Variants in PAK1 observed in about 807,000 individuals in gnomAD.
PAK1 encodes serine/threonine-protein kinase PAK 1.
Under a neutral mutation model 67.4 loss-of-function variants are expected in PAK1, and 29 were observed. The ratio of observed to expected loss-of-function variants is 0.43; its 90% confidence interval spans 0.32 to 0.59. The LOEUF is 0.59. Among genes scored for constraint, PAK1 ranks in the 20% least tolerant of loss-of-function variants. PAK1 has a pLI of 0.07. For synonymous variants in PAK1, 223 were observed against 237.4 expected (o/e 0.94, Z 0.56); for missense variants, 337 against 670.7 (o/e 0.50, Z 5.50).
At chr11:77,405,450 T>C (rs1390353618) in intron 1 of PAK1, among the ~76,000 whole-genome samples, 2 of 151,868 alleles carry the variant, frequency 1.3e-5, no homozygotes, top group African/African-American at 4.8e-5. Context: ...AGGTGAAAAC[T>C]AATGGTGGCT....
chr11:77,491,510 T>C, the PAK1 span, among the ~76,000 whole-genome samples: 6 of 151,856 alleles, frequency 4.0e-5, no homozygotes, highest in African/African-American at 1.4e-4. Flanking sequence ...GCCTGAGTGA[T>C]AGAGTGAGAC....
intron 8 of PAK1, among the ~76,000 whole-genome samples, chr11:77,352,942 A>AT (rs890247641): frequency 6.6e-6 from 1 of 151,980 alleles, no homozygotes; most frequent in African/African-American, 2.4e-5. Flanking sequence ...GTTAGGCAAC[A>AT]TATGACTATA....
Position 77,392,483 on chromosome 11 carries a change from G to A in PAK1, c.38C>T (p.Pro13Leu), listed in dbSNP as rs1395768376. ...NNGLDIQDKP[P>L]APPMRNTSTM... ...GCTGGTATTTCTCATCGGAGGGGCT[G>A]GGGGTTTGTCTTGAATGTCTAGGCC... Residue 13 changes from proline (P) to leucine (L), a missense_variant, in exon 2 of 15, where the codon CCA (proline) becomes CTA (leucine). This residue lies in a region of PAK1 where 27 missense variants were observed against 37.0 expected (regional missense o/e 0.73). Transcript: ENST00000356341. 4.3e-6 allele frequency: 7 copies of A among 1,613,146 alleles called. No individual in the cohort carries two copies.
Position 77,328,854 on chromosome 11 carries a change from T to C in PAK1, c.1551+3876A>G, listed in dbSNP as rs539913742. ...ATTAATGAATCCAGGAGCTGGTTTTTTGAAAGGATCAACAAAATTGATAGA... is the reference window on the plus strand; with the variant it reads ...ATTAATGAATCCAGGAGCTGGTTTTCTGAAAGGATCAACAAAATTGATAGA... On this transcript the variant is annotated intron_variant, in intron 14 of 14. Coordinates refer to ENST00000356341, the MANE Select transcript of PAK1 (RefSeq NM_002576.5). Among the ~76,000 whole-genome samples, 280 of 152,222 alleles carry C rather than the reference T, an allele frequency of 1.8e-3. 3 individuals carry two copies. Among genetic ancestry groups the C allele is most frequent in the African/African-American group, 6.5e-3 (270 of 41,534 alleles).
the PAK1 span, among the ~76,000 whole-genome samples, chr11:77,528,491 C>T: frequency 6.6e-6 from 1 of 152,088 alleles, no homozygotes; most frequent in African/African-American, 2.4e-5. Flanking sequence ...TCCTCAGGCA[C>T]ATGCCATCAC....
At chr11:77,405,216 T>C (rs77875736) in intron 1 of PAK1, among the ~76,000 whole-genome samples, 3,073 of 152,190 alleles carry the variant, frequency 0.02, 101 homozygotes, top group African/African-American at 0.07. Context: ...AAGAGAAATA[T>C]GGTAAGCGAC....
At chr11:77,438,255 T>C (rs1956214159) in intron 1 of PAK1, among the ~76,000 whole-genome samples, 1 of 152,054 alleles carries the variant, frequency 6.6e-6, no homozygotes, top group African/African-American at 2.4e-5. Flanking sequence ...CACACACTTT[T>C]AAACAACCAG....
chr11:77,492,369 A>C, the PAK1 span, among the ~76,000 whole-genome samples: 7 of 151,500 alleles, frequency 4.6e-5, no homozygotes, highest in Non-Finnish European at 7.4e-5. Flanking sequence ...AAAAAAAAAA[A>C]CTCAAAAGCC....
chr11:77,329,014 A>G (rs1226651285), intron 14 of PAK1: 1 of 152,268 alleles, frequency 6.6e-6, no homozygotes, highest in Non-Finnish European at 1.5e-5. Flanking sequence ...ACCTCTATGC[A>G]AATCAACTAG....
intron 1 of PAK1, among the ~76,000 whole-genome samples, chr11:77,450,385 A>G (rs1377421871): frequency 6.6e-6 from 1 of 152,160 alleles, no homozygotes; most frequent in African/African-American, 2.4e-5. Context: ...CAGGTCCCAC[A>G]CAATGACTAG....
chr11:77,439,642 A>G (rs189955617), intron 1 of PAK1, among the ~76,000 whole-genome samples: 30 of 152,338 alleles, frequency 2.0e-4, no homozygotes, highest in Non-Finnish European at 3.1e-4. Flanking sequence ...TTCTGGTCCT[A>G]TCCTTTCTCC....
intron 14 of PAK1, among the ~76,000 whole-genome samples, chr11:77,330,990 C>T (rs1315124792): frequency 6.6e-6 from 1 of 152,156 alleles, no homozygotes; most frequent in Non-Finnish European, 1.5e-5. Flanking sequence ...TGAACAGACA[C>T]TTCTCAAAAG....
chr11:77,372,538 C>T lies in PAK1; in HGVS notation c.477+1790G>A, dbSNP rs1445363827. On this transcript the variant is annotated intron_variant, in intron 5 of 14. Coordinates refer to ENST00000356341, the MANE Select transcript of PAK1 (RefSeq NM_002576.5). ...ATGACTCCGAATAAACCAGTCCCCA[C>T]TGGTGGAAGCATGGTTCAAAGTATT... 2.0e-5 allele frequency among the ~76,000 whole-genome samples: 3 copies of T among 152,178 alleles called. No individual in the cohort carries two copies. In the East Asian group the frequency reaches 5.8e-4, roughly 29 times the overall value.
chr11:77,334,062 A>G (rs1289976488), intron 13 of PAK1, among the ~76,000 whole-genome samples: 1 of 151,706 alleles, frequency 6.6e-6, no homozygotes, highest in African/African-American at 2.4e-5. Context: ...CCAGCTACTC[A>G]GGAGGCTGAG....
At chr11:77,357,440 T>A (rs1272828050) in intron 6 of PAK1, among the ~76,000 whole-genome samples, 1 of 152,210 alleles carries the variant, frequency 6.6e-6, no homozygotes, top group African/African-American at 2.4e-5. Flanking sequence ...ACAAACTATA[T>A]CCCAGGCACC....
intron 1 of PAK1, among the ~76,000 whole-genome samples, chr11:77,437,171 G>A (rs1443817770): frequency 6.6e-6 from 1 of 152,180 alleles, no homozygotes; most frequent in Non-Finnish European, 1.5e-5. Context: ...ACAGATCTAT[G>A]CCTATCTGTT....
the PAK1 span, among the ~76,000 whole-genome samples, chr11:77,482,193 TG>T: frequency 1.3e-5 from 2 of 152,102 alleles, no homozygotes; most frequent in African/African-American, 2.4e-5. Context: ...TTCATCATAT[TG>T]GTCAGGCTGG....
rs187130084 is a variant in PAK1, at chr11:77,406,203, T to C, written c.-21-13662A>G. On this transcript the variant is annotated intron_variant, in intron 1 of 14. Coordinates refer to ENST00000356341, the MANE Select transcript of PAK1 (RefSeq NM_002576.5). Reference sequence around the variant, plus strand: ...GCTTTACATATTATTAATACGTTGATAATGCCCAAGTTTTGATCTCTAGAC... The same window carrying C: ...GCTTTACATATTATTAATACGTTGACAATGCCCAAGTTTTGATCTCTAGAC... Among the ~76,000 whole-genome samples, 484 of 152,300 alleles carry C rather than the reference T, an allele frequency of 3.2e-3. 1 individual carries two copies. Among genetic ancestry groups the C allele is most frequent in the African/African-American group, 0.011 (467 of 41,572 alleles).
At chr11:77,421,274 A>G (rs1265935143) in intron 1 of PAK1, among the ~76,000 whole-genome samples, 1 of 152,208 alleles carries the variant, frequency 6.6e-6, no homozygotes, top group Non-Finnish European at 1.5e-5. Context: ...TTCATACCCT[A>G]TGGTGACTAT....
Sources: allele counts gnomAD v4.1 joint callset (sites outside exome capture counted in the v4.1 genomes callset), GRCh38; gene constraint gnomAD v4.1.1; regional missense constraint gnomAD v4.1.1; transcripts MANE v1.5; gene names NCBI Gene and HGNC (gene_info 2026-07-23, HGNC 2026-07-21).